THBS4: variants seen among roughly 807,000 people sequenced by gnomAD.
The protein encoded by THBS4 is thrombospondin 4, also known as thrombospondin-4.
THBS4 carries 90 observed loss-of-function variants against 115.7 expected under a neutral mutation model. The ratio of observed to expected loss-of-function variants is 0.78; its 90% CI spans 0.66 to 0.93. The LOEUF (loss-of-function observed/expected upper bound fraction) is 0.93. Among genes scored for constraint, THBS4 ranks in the 40% least tolerant of loss-of-function variants. THBS4 has a pLI of 0.00. For synonymous variants in THBS4, 460 were observed against 479.3 expected, an observed-to-expected ratio of 0.96 and a Z score of 0.53; for missense variants, 1,087 against 1,232.7, an observed-to-expected ratio of 0.88 and a Z score of 1.77.
chr5:80,072,159 G>T (rs1252132964), intron 13 of THBS4, 119 bp from the exon 14 acceptor site: 14 of 819,410 alleles, frequency 1.7e-5, no homozygotes, highest in Non-Finnish European at 2.9e-5. Context: ...TGCAGAAAAG[G>T]GTAGTCTCTG....
At chr5:80,027,101 TCTC>T in intron 2 of THBS4, among the ~76,000 whole-genome samples, 1 of 152,130 alleles carries the variant, frequency 6.6e-6, no homozygotes, top group Non-Finnish European at 1.5e-5. Context: ...TCCATTCCCT[TCTC>T]CTTCTTTCTT....
chr5:80,058,066 T>A lies in THBS4; in HGVS notation c.541-140T>A, dbSNP rs1266795771. On this transcript the variant is annotated intron_variant, in intron 3 of 21. Coordinates refer to ENST00000350881, the MANE Select transcript of THBS4 (RefSeq NM_003248.6). ...AGGGCTGGCAGGCTTTAGGAAAAAA[T>A]GTGATCCTACAAAATTATGTAAGAT... 4 of 628,346 alleles carry A rather than the reference T, an allele frequency of 6.4e-6. No homozygotes were observed. In the Admixed American group the frequency reaches 1.1e-4, roughly 17 times the overall value. The allele number at this position is 628,346 out of a possible 1,614,324, so 38.9% of individuals were successfully genotyped here.
At chr5:80,026,056 T>A (rs1207390799) in intron 2 of THBS4, among the ~76,000 whole-genome samples, 1 of 152,192 alleles carries the variant, frequency 6.6e-6, no homozygotes, top group Non-Finnish European at 1.5e-5. Flanking sequence ...ACCAATGGAA[T>A]TTAACGTTCA....
intron 8 of THBS4, among the ~76,000 whole-genome samples, chr5:80,062,976 A>G (rs1200296178): frequency 2.0e-5 from 3 of 152,212 alleles, no homozygotes; most frequent in Admixed American, 1.3e-4. Context: ...GCTATTGTGA[A>G]TAGTGCCACA....
chr5:80,068,986 A>T (rs1833938492), intron 10 of THBS4, among the ~76,000 whole-genome samples: 1 of 151,932 alleles, frequency 6.6e-6, no homozygotes, highest in Admixed American at 6.6e-5. Context: ...CAGAGTCCTC[A>T]GCCTGCCATC....
intron 2 of THBS4, among the ~76,000 whole-genome samples, chr5:80,044,509 G>A (rs879815953): frequency 2.0e-5 from 3 of 152,072 alleles, no homozygotes; most frequent in South Asian, 2.1e-4. Context: ...TGCAGCCTCT[G>A]CCTCCTAGGT....
At chr5:80,073,210 C>T (rs1320355746) in intron 14 of THBS4, 65 bp from the exon 15 acceptor site, 11 of 1,530,718 alleles carry the variant, frequency 7.2e-6, no homozygotes, top group Middle Eastern at 3.4e-4. Flanking sequence ...GTGAGGTCTG[C>T]CTTCTCTGGA....
At chr5:80,072,735 C>G (rs1834115194) in intron 14 of THBS4, 1 of 307,250 alleles carries the variant, frequency 3.3e-6, no homozygotes, top group Admixed American at 4.2e-5. Context: ...CCCTAAACCC[C>G]TACACAGCCT....
At chr5:80,079,339 T>A in intron 19 of THBS4, 81 bp downstream of exon 19, 1 of 1,430,916 alleles carries the variant, frequency 7.0e-7, no homozygotes, top group Non-Finnish European at 9.3e-7. Context: ...TCCCATGTGG[T>A]ACTTAGTTAA....
chr5:80,061,734 A>G lies in THBS4; in HGVS notation c.1027A>G (p.Asn343Asp), dbSNP rs753655812. The G allele has an allele frequency of 1.2e-6, 2 of 1,613,860 alleles. No homozygotes were observed. The highest frequency in any genetic ancestry group is 4.5e-5 in the East Asian group (2 of 44,860). The change falls in exon 8 of 22, where the codon AAT (asparagine) becomes GAT (aspartate). Residue 343 changes from asparagine (N) to aspartate (D), a missense_variant. Around this residue, in one of 3 missense-constraint regions of THBS4, gnomAD observed 979 missense variants for 1,103.7 expected, o/e 0.89. Transcript: ENST00000350881. ...HPCYPGVHCI[N>D]LSPGFRCDAC... ...CTGCTACCCGGGCGTGCACTGCATA[A>G]ATTTGTCTCCTGGCTTCAGATGTGA...
chr5:80,069,143 G>A (rs1833943164), intron 10 of THBS4, among the ~76,000 whole-genome samples: 1 of 152,222 alleles, frequency 6.6e-6, no homozygotes, highest in Non-Finnish European at 1.5e-5. Flanking sequence ...GGTTCACAGT[G>A]ATCACCCCTG....
chr5:80,019,094 G>C (rs1049222432), intron 2 of THBS4, among the ~76,000 whole-genome samples: 5 of 150,524 alleles, frequency 3.3e-5, no homozygotes, highest in African/African-American at 1.2e-4. Flanking sequence ...TTTCTCACTG[G>C]CTCAACTATA....
chr5:80,080,910 C>T (rs1347839120), intron 20 of THBS4, among the ~76,000 whole-genome samples: 5 of 152,084 alleles, frequency 3.3e-5, no homozygotes, highest in Non-Finnish European at 7.4e-5. Context: ...ATCTTGATCT[C>T]CCCAGTGCCT....
chr5:80,061,019 G>T (rs185068976), intron 7 of THBS4, among the ~76,000 whole-genome samples: 2 of 152,232 alleles, frequency 1.3e-5, no homozygotes, highest in Admixed American at 1.3e-4. Flanking sequence ...CAATTAAGAC[G>T]GTCTCTAGTA....
Position 80,079,801 on chromosome 5 carries a change from G to A in THBS4, c.2512-104G>A, listed in dbSNP as rs1032637352. ...GCTTTGTTCTGAATCCAAGGCAGCC[G>A]GATTATAACCATGACTATAACCTGG... On this transcript the variant is annotated intron_variant, in intron 19 of 21. Transcript: ENST00000350881. 26 of 1,257,048 alleles carry A rather than the reference G, an allele frequency of 2.1e-5. 1 individual carries two copies. The highest frequency in any genetic ancestry group is 5.7e-5 in the South Asian group (4 of 70,506). 77.9% of individuals were successfully genotyped at this position (1,257,048 alleles called of 1,614,324 possible). A position where few individuals can be genotyped will look rare whatever the true frequency, so the allele number is the denominator to read the frequency against.
At chr5:80,013,001 G>A (rs545754608) in intron 2 of THBS4, among the ~76,000 whole-genome samples, 1 of 152,278 alleles carries the variant, frequency 6.6e-6, no homozygotes, top group Admixed American at 6.5e-5. Context: ...TCATCTCCCA[G>A]AAACTCAGTG....
chr5:80,078,866 T>G, intron 17 of THBS4, 55 bp from the exon 18 acceptor site: 4 of 1,575,246 alleles, frequency 2.5e-6, no homozygotes, highest in Non-Finnish European at 3.5e-6. Context: ...TGAGCTTCCT[T>G]AAGGTTACTT....
chr5:80,028,818 C>G (rs1415404310), intron 2 of THBS4, among the ~76,000 whole-genome samples: 1 of 152,138 alleles, frequency 6.6e-6, no homozygotes, highest in Non-Finnish European at 1.5e-5. Flanking sequence ...TCTGGCTTCT[C>G]CTTCTACTAG....
intron 2 of THBS4, among the ~76,000 whole-genome samples, chr5:80,018,601 G>A (rs1157989505): frequency 1.3e-5 from 2 of 151,740 alleles, no homozygotes; most frequent in Admixed American, 1.3e-4. Flanking sequence ...CACCATGTTG[G>A]CCAGGCTGTT....
Sources: allele counts gnomAD v4.1 joint callset (sites outside exome capture counted in the v4.1 genomes callset), GRCh38; gene constraint gnomAD v4.1.1; regional missense constraint gnomAD v4.1.1; transcripts MANE v1.5; gene names NCBI Gene and HGNC (gene_info 2026-07-23, HGNC 2026-07-21).